Variants in SELENOF observed in about 807,000 individuals in gnomAD.
SELENOF encodes the protein 15 kDa selenoprotein.
A neutral mutation model predicts 20.5 loss-of-function variants in SELENOF; 16 were observed. That is an observed-to-expected ratio of 0.78 (90% CI 0.53 to 1.19). SELENOF has a LOEUF of 1.19. Ranked by LOEUF, SELENOF falls within the 50% of genes most tolerant of loss-of-function variation. The probability of loss-of-function intolerance (pLI) is 0.00; values close to 1 mark genes in which losing one functional copy is unlikely to be tolerated. For missense variants in SELENOF, 215 were observed against 194.2 expected, an observed-to-expected ratio of 1.11 and a Z score of -0.64; for synonymous variants, 78 against 74.5, an observed-to-expected ratio of 1.05 and a Z score of -0.24.
chr1:86,869,966 G>A lies in SELENOF; in HGVS notation c.317-1864C>T, dbSNP rs372337431. On this transcript the variant is annotated intron_variant, in intron 3 of 4. Transcript: ENST00000331835. The stretch of plus-strand genomic sequence containing the variant: ...ATTTTTTTATTTTTAGTAGAGATGG[G>A]GTTTCACCATGTTAGCCAGGATGGT... 3.9e-5 allele frequency among the ~76,000 whole-genome samples: 6 copies of A among 152,142 alleles called. No homozygotes were observed. The East Asian group carries it at 1.2e-3, about 30-fold the overall frequency.
intron 2 of SELENOF, among the ~76,000 whole-genome samples, chr1:86,898,700 G>C (rs553603203): frequency 6.6e-6 from 1 of 151,104 alleles, no homozygotes; most frequent in Non-Finnish European, 1.5e-5. Context: ...TCCTGCCTCA[G>C]CCTCCCAAGT....
intron 2 of SELENOF, among the ~76,000 whole-genome samples, chr1:86,898,669 C>CT (rs1305919692): frequency 6.7e-6 from 1 of 150,190 alleles, no homozygotes; most frequent in East Asian, 1.9e-4. Context: ...GCAACCTCTG[C>CT]TTCACGGGTT....
intron 2 of SELENOF, among the ~76,000 whole-genome samples, chr1:86,883,780 C>G (rs1363156747): frequency 6.6e-6 from 1 of 152,058 alleles, no homozygotes; most frequent in Non-Finnish European, 1.5e-5. Context: ...GCAAGACTAG[C>G]CTGGGAGCCC....
chr1:86,901,283 C>T (rs898036428), intron 2 of SELENOF, among the ~76,000 whole-genome samples: 5 of 152,086 alleles, frequency 3.3e-5, no homozygotes, highest in Non-Finnish European at 7.4e-5. Context: ...AACAATATTG[C>T]ATAGATTAAA....
At chr1:86,913,979 A>T (rs1475057829) in intron 1 of SELENOF, 49 bp downstream of exon 1, 1 of 1,526,568 alleles carries the variant, frequency 6.6e-7, no homozygotes, top group Non-Finnish European at 9.1e-7. Context: ...TCTCAGCTGC[A>T]ATCACTCCTA....
At chr1:86,865,996 ACCAG>A (rs1658579023) in intron 4 of SELENOF, among the ~76,000 whole-genome samples, 2 of 151,888 alleles carry the variant, frequency 1.3e-5, no homozygotes, top group Non-Finnish European at 2.9e-5. Flanking sequence ...GGAATACAAG[ACCAG>A]CTTAGGCAAC....
At chr1:86,893,594 G>T (rs1187744606) in intron 2 of SELENOF, among the ~76,000 whole-genome samples, 2 of 151,964 alleles carry the variant, frequency 1.3e-5, no homozygotes, top group African/African-American at 4.8e-5. Context: ...CTCCAGCCTG[G>T]TGACAGAGCA....
chr1:86,863,689 G>T, intron 4 of SELENOF, 84 bp from the exon 5 acceptor site: 1 of 1,232,254 alleles, frequency 8.1e-7, no homozygotes, highest in Non-Finnish European at 1.1e-6. Flanking sequence ...ATTCAATCCA[G>T]TTTAAATTTA....
chr1:86,871,975 G>A (rs1355743804), intron 3 of SELENOF, among the ~76,000 whole-genome samples: 1 of 151,892 alleles, frequency 6.6e-6, no homozygotes, highest in Non-Finnish European at 1.5e-5. Flanking sequence ...AAAAGATTCT[G>A]GAGGAGGGCA....
At chr1:86,885,175 G>A (rs1659182552) in intron 2 of SELENOF, among the ~76,000 whole-genome samples, 1 of 152,206 alleles carries the variant, frequency 6.6e-6, no homozygotes, top group Admixed American at 6.5e-5. Flanking sequence ...TACAGGTTGA[G>A]CATCTCAAAT....
intron 3 of SELENOF, among the ~76,000 whole-genome samples, chr1:86,871,488 T>G (rs545158512): frequency 4.9e-4 from 74 of 152,320 alleles, no homozygotes; most frequent in African/African-American, 1.8e-3. Flanking sequence ...TATTTCTTAA[T>G]AGTCAAAATA....
At chr1:86,912,600 G>T (rs1660012538) in intron 1 of SELENOF, among the ~76,000 whole-genome samples, 1 of 152,176 alleles carries the variant, frequency 6.6e-6, no homozygotes, top group African/African-American at 2.4e-5. Context: ...TTGCTCTTTT[G>T]GAGTGCTGCC....
At chr1:86,903,039 A>C (rs760757522) in intron 2 of SELENOF, among the ~76,000 whole-genome samples, 2 of 152,372 alleles carry the variant, frequency 1.3e-5, no homozygotes, top group Non-Finnish European at 2.9e-5. Flanking sequence ...AAAGCATGTT[A>C]TAGGGATTCT....
At chr1:86,904,844 A>G (rs59104407) in intron 1 of SELENOF, among the ~76,000 whole-genome samples, 3,589 of 152,228 alleles carry the variant, frequency 0.024, 74 homozygotes, top group African/African-American at 0.049. Context: ...CTTAAATGCT[A>G]TTGTTTCCCA....
At chr1:86,897,071 C>T (rs910253662) in intron 2 of SELENOF, among the ~76,000 whole-genome samples, 13 of 152,012 alleles carry the variant, frequency 8.6e-5, no homozygotes, top group Non-Finnish European at 1.9e-4. Context: ...TTTGGGAGGC[C>T]GAGTTGGGTG....
intron 2 of SELENOF, among the ~76,000 whole-genome samples, chr1:86,899,822 C>T (rs1399201419): frequency 6.7e-6 from 1 of 149,558 alleles, no homozygotes; most frequent in African/African-American, 2.5e-5. Flanking sequence ...GGGCTCCTCA[C>T]TTCTCAGACG....
intron 2 of SELENOF, among the ~76,000 whole-genome samples, chr1:86,885,100 A>G (rs1659179889): frequency 6.6e-6 from 1 of 152,182 alleles, no homozygotes. Context: ...TAGTCTTCGG[A>G]TAAATTCCAG....
At position 86,899,906 on chromosome 1, in the gene SELENOF, G is replaced by C. The variant is rs574273664; in HGVS notation, c.252+3375C>G. ...GGGCAGAGACGCTCCTCACCTCCCA[G>C]ACGGGGTCGCGGCCGGGCAGAGGCG... On this transcript the variant is annotated intron_variant, in intron 2 of 4. Coordinates refer to ENST00000331835, the MANE Select transcript of SELENOF (RefSeq NM_004261.5). Among the ~76,000 whole-genome samples the C allele has an allele frequency of 5.5e-3, 837 of 150,952 alleles. 9 individuals are homozygous for C. The highest frequency in any genetic ancestry group is 0.02 in the African/African-American group (807 of 41,002).
At chr1:86,887,527 C>T (rs1320937897) in intron 2 of SELENOF, among the ~76,000 whole-genome samples, 4 of 152,016 alleles carry the variant, frequency 2.6e-5, no homozygotes, top group Non-Finnish European at 5.9e-5. Context: ...AGGAATCTTT[C>T]CATAAAGATA....
Sources: allele counts gnomAD v4.1 joint callset (sites outside exome capture counted in the v4.1 genomes callset), GRCh38; gene constraint gnomAD v4.1.1; transcripts MANE v1.5; gene names NCBI Gene and HGNC (gene_info 2026-07-23, HGNC 2026-07-21).